Variants in CHAT observed in about 807,000 individuals in gnomAD.
The protein encoded by CHAT is choline O-acetyltransferase, also known as acetyl CoA:choline O-acetyltransferase.
Under a neutral mutation model 76.9 loss-of-function variants are expected in CHAT, and 61 were observed. That is an observed-to-expected ratio of 0.79 (90% CI 0.65 to 0.98). CHAT has a LOEUF of 0.98. Ranked by LOEUF, CHAT falls within the 50% of genes least tolerant of loss-of-function variation. CHAT has a pLI of 0.00. For synonymous variants in CHAT, 407 were observed against 397.4 expected (o/e 1.02, Z -0.29); for missense variants, 946 against 986.9 (o/e 0.96, Z 0.56).
chr10:49,652,034 C>T, intron 11 of CHAT, 28 bp downstream of exon 11: 2 of 1,613,964 alleles, frequency 1.2e-6, no homozygotes, highest in Non-Finnish European at 8.5e-7. Flanking sequence ...GAGTCTGTAC[C>T]CTGGAGGGCT....
intron 4 of CHAT, among the ~76,000 whole-genome samples, chr10:49,621,819 T>C (rs1402379451): frequency 6.6e-6 from 1 of 151,926 alleles, no homozygotes; most frequent in Non-Finnish European, 1.5e-5. Flanking sequence ...CCATTTTGAA[T>C]CCAAGGCTTG....
intron 2 of CHAT, among the ~76,000 whole-genome samples, chr10:49,619,422 C>T (rs865780370): frequency 1.3e-5 from 2 of 152,196 alleles, no homozygotes; most frequent in South Asian, 4.1e-4. Context: ...GGCTGATTTG[C>T]CCAAGTTTGC....
intron 7 of CHAT, among the ~76,000 whole-genome samples, chr10:49,635,227 T>A (rs967524928): frequency 1.3e-5 from 2 of 152,228 alleles, no homozygotes; most frequent in African/African-American, 4.8e-5. Flanking sequence ...AGTATAATTC[T>A]CCGGATGGAG....
chr10:49,648,410 A>T (rs1839750308), intron 8 of CHAT, 97 bp from the exon 9 acceptor site: 6 of 793,688 alleles, frequency 7.6e-6, no homozygotes. Context: ...CCTGGAGAAG[A>T]GGTGCCCTGA....
chr10:49,646,677 A>C lies in CHAT; in HGVS notation c.1281+3A>C. ...GCTGGTACGACAAGTCCCTGCAGGTAAGCCGTCCAGGTGGCCCTGCAAGAG... is the reference window on the plus strand; with the variant it reads ...GCTGGTACGACAAGTCCCTGCAGGTCAGCCGTCCAGGTGGCCCTGCAAGAG... On this transcript the variant is annotated splice_donor_region_variant and intron_variant, in intron 8 of 14. Coordinates refer to ENST00000337653, the MANE Select transcript of CHAT (RefSeq NM_020549.5). The C allele has an allele frequency of 6.2e-7, 1 of 1,613,156 alleles. No homozygotes were observed. The highest frequency in any genetic ancestry group is 1.7e-5 in the Admixed American group (1 of 60,026).
At position 49,619,863 on chromosome 10, in the gene CHAT, G is replaced by A. The variant is rs374586812; in HGVS notation, c.526G>A (p.Gly176Ser). ...VQQFGAPGGL[G>S]ETLQQKLLER... ...GCAGTTTGGGGCCCCTGGTGGCCTCGGCGAGACCCTGCAGCAGAAACTCCT... is the reference window on the plus strand; with the variant it reads ...GCAGTTTGGGGCCCCTGGTGGCCTCAGCGAGACCCTGCAGCAGAAACTCCT... Residue 176 changes from glycine to serine, a missense_variant, in exon 3 of 15, where the codon GGC (glycine) becomes AGC (serine). Gly to Ser is a moderately conservative substitution (Grantham distance 56, BLOSUM62 0). This residue lies in a region of CHAT where 548 missense variants were observed against 516.2 expected (regional missense o/e 1.06). Transcript: ENST00000337653. The A allele has an allele frequency of 8.7e-6, 14 of 1,613,346 alleles. No homozygotes were observed. Among genetic ancestry groups the A allele is most frequent in the East Asian group, 2.2e-5 (1 of 44,882 alleles).
chr10:49,660,207 G>A (rs1489460332), intron 13 of CHAT, among the ~76,000 whole-genome samples: 1 of 152,162 alleles, frequency 6.6e-6, no homozygotes, highest in African/African-American at 2.4e-5. Context: ...TTGGGAGGCT[G>A]AGGCAGGTGG....
chr10:49,662,749 G>A lies in CHAT; in HGVS notation c.1944G>A (p.Leu648=), dbSNP rs368690834. 5.6e-6 allele frequency: 9 copies of A among 1,614,094 alleles called. No homozygotes were observed. The African/African-American group carries it at 1.1e-4, about 19-fold the overall frequency. The part of the protein sequence containing the change: ...LPEMFMDETY[L]MSNRFVLSTS... ...AGATGTTCATGGATGAAACCTACCT[G>A]ATGAGCAACCGGTTTGTCCTCTCCA... The change falls in exon 14 of 15, where the codon CTG becomes CTA. Residue 648 remains leucine, a synonymous_variant. Coordinates refer to ENST00000337653, the MANE Select transcript of CHAT (RefSeq NM_020549.5).
rs1402869636 is a variant in CHAT at position 49,664,953 on chromosome 10, G to A, written c.2154G>A (p.Met718Ile). The change falls in exon 15 of 15, where the codon ATG becomes ATA. Residue 718 changes from methionine to isoleucine, a missense_variant. Coordinates refer to ENST00000337653, the MANE Select transcript of CHAT (RefSeq NM_020549.5). ...AKAVEESLID[M>I]RDLCSLLPPT... is the part of the protein sequence containing the mutation. ...CTGTGGAAGAAAGCCTCATTGACAT[G>A]AGAGACCTCTGCAGTCTGCTGCCGC... The A allele has an allele frequency of 6.2e-7, 1 of 1,614,122 alleles. No homozygotes were observed. Among genetic ancestry groups the A allele is most frequent in the African/African-American group, 1.3e-5 (1 of 74,946 alleles).
chr10:49,623,047 C>T (rs1176882267), intron 5 of CHAT, among the ~76,000 whole-genome samples: 4 of 152,322 alleles, frequency 2.6e-5, no homozygotes, highest in African/African-American at 9.6e-5. Flanking sequence ...CCAGGGCATT[C>T]TGCACCACAC....
chr10:49,630,202 T>C (rs1839069097), intron 7 of CHAT, among the ~76,000 whole-genome samples: 1 of 152,084 alleles, frequency 6.6e-6, no homozygotes, highest in Non-Finnish European at 1.5e-5. Flanking sequence ...TAAATGATCC[T>C]TAAAGTCATG....
chr10:49,655,321 C>G, intron 12 of CHAT, 65 bp from the exon 13 acceptor site: 1 of 1,612,352 alleles, frequency 6.2e-7, no homozygotes. Context: ...GGCCCTCTGA[C>G]CACCAGATGC....
intron 1 of CHAT, among the ~76,000 whole-genome samples, chr10:49,614,924 T>G (rs1838429459): frequency 6.6e-6 from 1 of 152,160 alleles, no homozygotes; most frequent in Non-Finnish European, 1.5e-5. Context: ...CCGGCCAGAC[T>G]GGGGTTGGAC....
At chr10:49,656,211 C>T (rs531834324) in intron 13 of CHAT, among the ~76,000 whole-genome samples, 3 of 151,410 alleles carry the variant, frequency 2.0e-5, no homozygotes, top group African/African-American at 7.3e-5. Context: ...TTGCTAGGTC[C>T]CTAATTCATC....
At chr10:49,609,954 G>T (rs1428585350), upstream of CHAT, among the ~76,000 whole-genome samples, 1 of 152,098 alleles carries the variant, frequency 6.6e-6, no homozygotes, top group African/African-American at 2.4e-5. Flanking sequence ...TCGAGGAACC[G>T]GCTGCCGCGC....
intron 7 of CHAT, among the ~76,000 whole-genome samples, chr10:49,630,800 T>C (rs1051322426): frequency 2.0e-5 from 3 of 152,138 alleles, no homozygotes; most frequent in African/African-American, 7.2e-5. Context: ...AGTGGAAAGC[T>C]TGGGCCTGAG....
At chr10:49,625,736 G>A (rs1452547776) in intron 6 of CHAT, 83 bp downstream of exon 6, 5 of 1,413,180 alleles carry the variant, frequency 3.5e-6, no homozygotes, top group Non-Finnish European at 4.9e-6. Flanking sequence ...CTCCGAGGGG[G>A]CTCAGCCTCC....
chr10:49,629,675 G>C (rs1839046871), intron 7 of CHAT, among the ~76,000 whole-genome samples: 2 of 152,220 alleles, frequency 1.3e-5, no homozygotes, highest in African/African-American at 4.8e-5. Flanking sequence ...ACTTGATCTG[G>C]CTTTCTGAAT....
At chr10:49,621,125 T>C (rs960932994) in intron 4 of CHAT, among the ~76,000 whole-genome samples, 4 of 152,222 alleles carry the variant, frequency 2.6e-5, no homozygotes, top group African/African-American at 9.6e-5. Context: ...TGGCCGCTAA[T>C]GACAATGGAG....
Sources: allele counts gnomAD v4.1 joint callset (sites outside exome capture counted in the v4.1 genomes callset), GRCh38; gene constraint gnomAD v4.1.1; regional missense constraint gnomAD v4.1.1; transcripts MANE v1.5; gene names NCBI Gene and HGNC (gene_info 2026-07-23, HGNC 2026-07-21).